The following DISC1 variants were observed in gnomAD, a reference collection of about 807,000 sequenced individuals.
DISC1 encodes disrupted in schizophrenia 1 protein.
In DISC1, 57 loss-of-function variants were observed where a neutral mutation model predicts 84.5. That is an observed-to-expected ratio of 0.67 (90% CI 0.55 to 0.84). The LOEUF (loss-of-function observed/expected upper bound fraction) is 0.84, where lower values mean the gene tolerates loss of function less well. DISC1 is among the 40% of genes least tolerant of loss of function. The pLI is 0.00. For synonymous variants in DISC1, 411 were observed against 415.2 expected (o/e 0.99, Z 0.12); for missense variants, 1,000 against 1,057.8 (o/e 0.95, Z 0.76).
chr1:231,685,616 C>CATAAAAAAAAAAAAA (rs2064174359), intron 1 of DISC1, among the ~76,000 whole-genome samples: 1 of 152,128 alleles, frequency 6.6e-6, no homozygotes, highest in East Asian at 1.9e-4. Flanking sequence ...CCATGCCCAG[C>CATAAAAAAAAAAAAA]TAATTTTTGT....
intron 10 of DISC1, among the ~76,000 whole-genome samples, chr1:231,967,627 T>G (rs1661296998): frequency 6.6e-6 from 1 of 152,208 alleles, no homozygotes; most frequent in African/African-American, 2.4e-5. Flanking sequence ...CTTTTGAACT[T>G]TGAAGCTATT....
chr1:231,750,028 A>C lies in DISC1; in HGVS notation c.1220A>C (p.His407Pro), dbSNP rs2074429006. The change falls in exon 4 of 13, where the codon CAC (histidine) becomes CCC (proline). Residue 407 changes from histidine to proline, a missense_variant. By Grantham distance (77) the His-to-Pro change is moderately conservative. Around this residue, in one of 3 missense-constraint regions of DISC1, gnomAD observed 311 missense variants for 400.1 expected, o/e 0.78. Transcript: ENST00000439617. Reference protein sequence around the residue: ...RQPALSSFLGHLAAQVQAALR... With the variant: ...RQPALSSFLGPLAAQVQAALR... Reference sequence around the variant, plus strand: ...CCAGCTCTTAGCAGTTTCCTGGGTCACCTGGCAGCACAAGTCCAGGCTGCC... The same window carrying C: ...CCAGCTCTTAGCAGTTTCCTGGGTCCCCTGGCAGCACAAGTCCAGGCTGCC... 1.2e-6 allele frequency: 2 copies of C among 1,614,232 alleles called. No individual in the cohort carries two copies. Among genetic ancestry groups the C allele is most frequent in the African/African-American group, 2.7e-5 (2 of 75,062 alleles).
chr1:232,008,284 A>G (rs1204654282), intron 10 of DISC1, among the ~76,000 whole-genome samples: 1 of 152,250 alleles, frequency 6.6e-6, no homozygotes, highest in Non-Finnish European at 1.5e-5. Flanking sequence ...AAAAATGCTA[A>G]GAGATCCATC....
At chr1:231,874,101 C>T (rs1054909659) in intron 9 of DISC1, among the ~76,000 whole-genome samples, 10 of 151,882 alleles carry the variant, frequency 6.6e-5, no homozygotes, top group East Asian at 1.9e-4. Context: ...ACCTGCCTGT[C>T]GGCCTCCCAA....
intron 3 of DISC1, among the ~76,000 whole-genome samples, chr1:231,704,105 G>A (rs1422498109): frequency 2.0e-5 from 3 of 152,244 alleles, no homozygotes; most frequent in African/African-American, 7.2e-5. Flanking sequence ...ACCCGATTCA[G>A]TGTGTTGAGA....
At chr1:231,873,149 A>G (rs1395800084) in intron 9 of DISC1, among the ~76,000 whole-genome samples, 2 of 152,220 alleles carry the variant, frequency 1.3e-5, no homozygotes. Flanking sequence ...CAGATTTCCG[A>G]CAAGAACTTC....
intron 9 of DISC1, among the ~76,000 whole-genome samples, chr1:231,957,627 A>G (rs1659746818): frequency 6.6e-6 from 1 of 152,214 alleles, no homozygotes; most frequent in African/African-American, 2.4e-5. Flanking sequence ...AGCTAGCACA[A>G]CTAAGTTTGT....
chr1:231,920,814 A>C (rs1414830804), intron 9 of DISC1, among the ~76,000 whole-genome samples: 2 of 151,812 alleles, frequency 1.3e-5, no homozygotes, highest in East Asian at 3.9e-4. Flanking sequence ...TTCATTGTTT[A>C]TCTGATGTTC....
intron 9 of DISC1, among the ~76,000 whole-genome samples, chr1:231,937,410 G>T (rs1402517996): frequency 6.6e-6 from 1 of 152,234 alleles, no homozygotes; most frequent in Non-Finnish European, 1.5e-5. Context: ...CAGAGATCAG[G>T]GGGATCGATC....
intron 9 of DISC1, among the ~76,000 whole-genome samples, chr1:231,923,365 G>C (rs1230254114): frequency 6.6e-6 from 1 of 151,438 alleles, no homozygotes; most frequent in Non-Finnish European, 1.5e-5. Flanking sequence ...CTGGCAGGTA[G>C]TAAAATCTTG....
intron 9 of DISC1, among the ~76,000 whole-genome samples, chr1:231,942,613 C>T (rs1168856508): frequency 2.6e-5 from 4 of 151,850 alleles, no homozygotes; most frequent in South Asian, 4.2e-4. Flanking sequence ...TGCAGCGAGC[C>T]GAGATTGCAC....
intron 9 of DISC1, chr1:231,855,458 A>G: frequency 2.0e-6 from 2 of 978,686 alleles, no homozygotes; most frequent in Non-Finnish European, 2.4e-6. Flanking sequence ...TTCCATTAAG[A>G]CAAACACACA....
chr1:231,725,009 C>A (rs1418728979), intron 3 of DISC1, among the ~76,000 whole-genome samples: 1 of 152,156 alleles, frequency 6.6e-6, no homozygotes, highest in Non-Finnish European at 1.5e-5. Flanking sequence ...CCTACAGGGT[C>A]ACTGTCTGTT....
chr1:231,875,348 C>G (rs1215864070), intron 9 of DISC1, among the ~76,000 whole-genome samples: 1 of 152,060 alleles, frequency 6.6e-6, no homozygotes, highest in Admixed American at 6.6e-5. Flanking sequence ...GCCCCCGGCC[C>G]TGGTGAGTGA....
chr1:231,635,692 T>C (rs975363370), intron 1 of DISC1, among the ~76,000 whole-genome samples: 1 of 152,226 alleles, frequency 6.6e-6, no homozygotes, highest in African/African-American at 2.4e-5. Flanking sequence ...CTATTATTTT[T>C]ATATCTTTTG....
intron 1 of DISC1, among the ~76,000 whole-genome samples, chr1:231,642,847 G>A (rs74143898): frequency 1.3e-3 from 205 of 152,288 alleles, no homozygotes; most frequent in African/African-American, 4.6e-3. Flanking sequence ...GCCTTTCTCT[G>A]TAAACACAGT....
At chr1:231,729,906 T>A (rs1573322837) in intron 3 of DISC1, among the ~76,000 whole-genome samples, 1 of 152,192 alleles carries the variant, frequency 6.6e-6, no homozygotes, top group African/African-American at 2.4e-5. Context: ...AATTATATTT[T>A]AAAAAATAAT....
At chr1:231,830,904 G>T (rs2082175421) in intron 9 of DISC1, among the ~76,000 whole-genome samples, 1 of 152,164 alleles carries the variant, frequency 6.6e-6, no homozygotes, top group Admixed American at 6.5e-5. Flanking sequence ...GGACCGTAAG[G>T]GATATAAAGG....
At chr1:231,822,488 G>A (rs1264050101) in intron 9 of DISC1, among the ~76,000 whole-genome samples, 1 of 152,194 alleles carries the variant, frequency 6.6e-6, no homozygotes, top group Admixed American at 6.5e-5. Flanking sequence ...AGGGCAATGA[G>A]GTTGGAGTAG....
Sources: allele counts gnomAD v4.1 joint callset (sites outside exome capture counted in the v4.1 genomes callset), GRCh38; gene constraint gnomAD v4.1.1; regional missense constraint gnomAD v4.1.1; transcripts MANE v1.5; gene names NCBI Gene and HGNC (gene_info 2026-07-23, HGNC 2026-07-21).